The following C17orf107 variants were observed in gnomAD, a reference collection of about 807,000 sequenced individuals.
The protein encoded by C17orf107 is uncharacterized protein C17orf107.
C17orf107 carries 9 observed loss-of-function variants against 8.9 expected under a neutral mutation model. That is an observed-to-expected ratio of 1.02 (90% confidence interval 0.61 to 1.77). The LOEUF is 1.77. Ranked by LOEUF, C17orf107 falls within the 40% of genes most tolerant of loss-of-function variation. C17orf107 has a pLI of 0.00. For missense variants in C17orf107, 281 were observed against 249.0 expected, an observed-to-expected ratio of 1.13 and a Z score of -0.86; for synonymous variants, 139 against 120.3, an observed-to-expected ratio of 1.16 and a Z score of -1.02.
downstream of C17orf107, among the ~76,000 whole-genome samples, chr17:4,905,809 C>A (rs1022870758): frequency 1.3e-5 from 2 of 150,130 alleles, no homozygotes; most frequent in African/African-American, 4.9e-5. Flanking sequence ...TGCAGTGAGC[C>A]GAGATCGTGC....
In C17orf107 at chr17:4,900,697, G is replaced by A; in HGVS notation, c.*164G>A. ...CAGCGTCCGAATAAAGCCCAGGGCG[G>A]GGCGAGACAGCCAGAGCTTTTCCCG... On this transcript the variant is annotated 3_prime_UTR_variant, in exon 3 of 3. Transcript: ENST00000381365. The A allele has an allele frequency of 6.8e-7, 1 of 1,468,634 alleles. No individual in the cohort carries two copies. Among genetic ancestry groups the A allele is most frequent in the Non-Finnish European group, 9.3e-7 (1 of 1,076,862 alleles). 91.0% of individuals were successfully genotyped at this position (1,468,634 alleles called of 1,614,324 possible). A position where few individuals can be genotyped will look rare whatever the true frequency, so the allele number is the denominator to read the frequency against.
At position 4,900,019 on chromosome 17, in the gene C17orf107, G is replaced by A; in HGVS notation, c.150G>A (p.Glu50=). 1.9e-6 allele frequency: 3 copies of A among 1,551,532 alleles called. No individual in the cohort carries two copies. The highest frequency in any genetic ancestry group is 2.6e-6 in the Non-Finnish European group (3 of 1,146,998). Residue 50 remains glutamate, a synonymous_variant, in exon 2 of 3, where the codon GAG becomes GAA. Coordinates refer to ENST00000381365, the MANE Select transcript of C17orf107 (RefSeq NM_001145536.2). The part of the protein sequence containing the change: ...AHEYLEQRFR[E]LKSLEPPEPK... ...AATATCTGGAGCAGAGGTTCAGAGA[G>A]CTGAAGTCCCTGGAGCCACCCGAAC... is the stretch of plus-strand genomic sequence containing the variant.
In C17orf107 at chr17:4,900,463, G is replaced by T. The variant is rs749801173; in HGVS notation, c.503G>T (p.Arg168Leu). 6.4e-7 allele frequency: 1 copy of T among 1,551,116 alleles called. No homozygotes were observed. The change falls in exon 3 of 3, where the codon CGA (arginine) becomes CTA (leucine). Residue 168 changes from arginine (R) to leucine (L), a missense_variant. Transcript: ENST00000381365. ...CTGCAGGGGTCTGCCTCATTCCTGC[G>T]ACAGTCGCAACAGCAGCTAGGCCTC... The part of the protein sequence containing the change: ...RGLQGSASFL[R>L]QSQQQLGLGI...
downstream of C17orf107, chr17:4,903,135 G>A: frequency 6.8e-7 from 1 of 1,461,128 alleles, no homozygotes; most frequent in South Asian, 1.2e-5. Context: ...GTGCCTGTGT[G>A]AGGGGGAGGA....
In C17orf107 at chr17:4,899,588, G is replaced by C. The variant is rs141408756; in HGVS notation, c.-175G>C. The C allele has an allele frequency of 4.5e-4, 708 of 1,564,110 alleles. 2 individuals carry two copies. In the African/African-American group the frequency reaches 8.7e-3, roughly 19 times the overall value. On this transcript the variant is annotated 5_prime_UTR_variant, in exon 1 of 3. Transcript: ENST00000381365. ...CCATGACGAAAATAAGGAACCTGAG[G>C]AGCCCGGAAGGCATGACATCACCGT...
downstream of C17orf107, among the ~76,000 whole-genome samples, chr17:4,903,731 C>G (rs750764715): frequency 5.9e-5 from 9 of 152,186 alleles, no homozygotes; most frequent in Non-Finnish European, 1.3e-4. Flanking sequence ...TTCTCCTTGT[C>G]TATCCCTGCT....
At chr17:4,902,935 T>C, downstream of C17orf107, 1 of 1,597,208 alleles carries the variant, frequency 6.3e-7, no homozygotes, top group Non-Finnish European at 8.6e-7. This position sits in a 1 kb window ranked among gnomAD's most constrained non-coding sequence, Gnocchi z 4.0. Flanking sequence ...TAAGTCTCCA[T>C]CTTGGTCTCT....
chr17:4,899,963 T>G lies in C17orf107; in HGVS notation c.94T>G (p.Ser32Ala), dbSNP rs757017826. 1 of 1,551,278 alleles carries G rather than the reference T, an allele frequency of 6.4e-7. No individual in the cohort carries two copies. Among genetic ancestry groups the G allele is most frequent in the Admixed American group, 2.0e-5 (1 of 50,978 alleles). Residue 32 changes from serine to alanine, a missense_variant, in exon 2 of 3, where the codon TCC becomes GCC. Physicochemically the swap from Ser to Ala is moderately conservative, Grantham distance 99. Transcript: ENST00000381365. ...EVALQPPLLS[S>A]LELSVAAAHE... ...GGCCCTCCAGCCCCCGCTTCTGTCT[T>G]CCCTGGAACTCTCCGTGGCCGCAGC...
In C17orf107 at chr17:4,901,882, AGG is replaced by A; in HGVS notation, c.*1350_*1351del. The A allele has an allele frequency of 6.7e-7, 1 of 1,484,020 alleles. No homozygotes were observed. 91.9% of individuals were successfully genotyped at this position (1,484,020 alleles called of 1,614,324 possible). ...GCTTCCCGGTTGGCCCCGCCCCATAAGGCCCCCCCCCAACAATAATCGTCCGG... is the reference window on the plus strand; with the variant it reads ...GCTTCCCGGTTGGCCCCGCCCCATAACCCCCCCCCAACAATAATCGTCCGG... On this transcript the variant is annotated 3_prime_UTR_variant, in exon 3 of 3. Coordinates refer to ENST00000381365, the MANE Select transcript of C17orf107 (RefSeq NM_001145536.2).
rs961848662 is a variant in C17orf107, at chr17:4,899,919, C to G, written c.67-17C>G. The G allele has an allele frequency of 1.3e-6, 2 of 1,549,658 alleles. No individual in the cohort carries two copies. Among genetic ancestry groups the G allele is most frequent in the African/African-American group, 2.7e-5 (2 of 73,018 alleles). ...TGACCCCTGCCCTGCTACTCTACTG[C>G]TCTGCTCCTTCTCCAGGTGGCCCTC... On this transcript the variant is annotated splice_polypyrimidine_tract_variant and intron_variant, in intron 1 of 2. Transcript: ENST00000381365.
Position 4,901,808 on chromosome 17 carries a change from G to A in C17orf107, c.*1275G>A. Reference sequence around the variant, plus strand: ...GCCGCGCTGGAGCGTCCCACCCAGTGCCTACGCCTGGCTCCGCCTCCAGCG... The same window carrying A: ...GCCGCGCTGGAGCGTCCCACCCAGTACCTACGCCTGGCTCCGCCTCCAGCG... On this transcript the variant is annotated 3_prime_UTR_variant, in exon 3 of 3. Coordinates refer to ENST00000381365, the MANE Select transcript of C17orf107 (RefSeq NM_001145536.2). 2 of 1,430,792 alleles carry A rather than the reference G, an allele frequency of 1.4e-6. No homozygotes were observed. Among genetic ancestry groups the A allele is most frequent in the Non-Finnish European group, 2.0e-6 (2 of 1,024,822 alleles). 88.6% of individuals were successfully genotyped at this position (1,430,792 alleles called of 1,614,324 possible).
chr17:4,900,738 G>A lies in C17orf107; in HGVS notation c.*205G>A. On this transcript the variant is annotated 3_prime_UTR_variant, in exon 3 of 3. Transcript: ENST00000381365. ...GCTTTTCCCGGGGTCTCTGGGTTTT[G>A]GCCACGCCCCCACCCTTCACACTGG... 1 of 1,550,944 alleles carries A rather than the reference G, an allele frequency of 6.4e-7. No individual in the cohort carries two copies. The highest frequency in any genetic ancestry group is 1.2e-5 in the South Asian group (1 of 86,928).
chr17:4,900,831 T>G lies in C17orf107; in HGVS notation c.*298T>G. On this transcript the variant is annotated 3_prime_UTR_variant, in exon 3 of 3. Transcript: ENST00000381365. ...GCACGCTCAGAGAAGTCTCTGGGAT[T>G]TTCTGGGCAATGAGGAACAAGAAGA... 2 of 1,614,118 alleles carry G rather than the reference T, an allele frequency of 1.2e-6. No homozygotes were observed. The highest frequency in any genetic ancestry group is 1.7e-6 in the Non-Finnish European group (2 of 1,179,992).
rs1969984352 is a variant in C17orf107 at position 4,901,539 on chromosome 17, G to A, written c.*1006G>A. 1.9e-6 allele frequency: 3 copies of A among 1,614,150 alleles called. No homozygotes were observed. The highest frequency in any genetic ancestry group is 2.5e-6 in the Non-Finnish European group (3 of 1,179,994). On this transcript the variant is annotated 3_prime_UTR_variant, in exon 3 of 3. Transcript: ENST00000381365. ...AGGGGCTTCACCAGTATAGGCCTCTGTGTCGATGTCGATCTTGTTGATGGT... is the reference window on the plus strand; with the variant it reads ...AGGGGCTTCACCAGTATAGGCCTCTATGTCGATGTCGATCTTGTTGATGGT...
In C17orf107 at chr17:4,900,279, G is replaced by A. The variant is rs1441678257; in HGVS notation, c.319G>A (p.Gly107Ser). The A allele has an allele frequency of 7.8e-6, 12 of 1,545,336 alleles. No individual in the cohort carries two copies. The highest frequency in any genetic ancestry group is 2.7e-5 in the African/African-American group (2 of 73,062). The stretch of plus-strand genomic sequence containing the variant: ...GCAGCAGGAGGCGCGGCGACTAGAC[G>A]GCAGCGCGGGCCCAGCCCCAGACGG... ...WLQQEARRLD[G>S]SAGPAPDGRD... The change falls in exon 3 of 3, where the codon GGC becomes AGC. Residue 107 changes from glycine (G) to serine (S), a missense_variant. Physicochemically the swap from Gly to Ser is moderately conservative, Grantham distance 56 (BLOSUM62 0). Transcript: ENST00000381365.
rs766195083 is a variant in C17orf107, at chr17:4,901,583, G to C, written c.*1050G>C. The C allele has an allele frequency of 9.8e-5, 158 of 1,614,018 alleles. No individual in the cohort carries two copies. Among genetic ancestry groups the C allele is most frequent in the Non-Finnish European group, 1.3e-4 (154 of 1,180,014 alleles). The stretch of plus-strand genomic sequence containing the variant: ...TGATGGTCTTGCCGTCGTTGTCTAC[G>C]GCAAAAGTGAACTCCACCTCTTCGG... On this transcript the variant is annotated 3_prime_UTR_variant, in exon 3 of 3. Transcript: ENST00000381365.
At position 4,901,259 on chromosome 17, in the gene C17orf107, G is replaced by C; in HGVS notation, c.*726G>C. ...CCCGCCGAGCTGACAGCGGGCTGAA[G>C]AGGAGGCTGCGGCTGTCTGCACCAG... On this transcript the variant is annotated 3_prime_UTR_variant, in exon 3 of 3. Transcript: ENST00000381365. 6.5e-7 allele frequency: 1 copy of C among 1,547,734 alleles called. No homozygotes were observed. The highest frequency in any genetic ancestry group is 1.1e-5 in the South Asian group (1 of 87,956).
chr17:4,902,022 G>C lies in C17orf107; in HGVS notation c.*1489G>C, dbSNP rs146089157. 1.2e-6 allele frequency: 2 copies of C among 1,614,110 alleles called. No individual in the cohort carries two copies. Among genetic ancestry groups the C allele is most frequent in the African/African-American group, 1.3e-5 (1 of 75,076 alleles). On this transcript the variant is annotated 3_prime_UTR_variant, in exon 3 of 3. Coordinates refer to ENST00000381365, the MANE Select transcript of C17orf107 (RefSeq NM_001145536.2). This position sits in a 1 kb window ranked among gnomAD's most constrained non-coding sequence, Gnocchi z 4.0. ...GCGGTAGATGGCCGGAGGCAGCCACGTCACGGAGCCGCCCTCGTAGACGAG... is the reference window on the plus strand; with the variant it reads ...GCGGTAGATGGCCGGAGGCAGCCACCTCACGGAGCCGCCCTCGTAGACGAG...
At chr17:4,906,301 C>A (rs535107395), downstream of C17orf107, among the ~76,000 whole-genome samples, 16 of 152,280 alleles carry the variant, frequency 1.1e-4, no homozygotes, top group African/African-American at 3.8e-4. Context: ...CACCCTCTAG[C>A]AACCCAGCCC....
Sources: allele counts gnomAD v4.1 joint callset (sites outside exome capture counted in the v4.1 genomes callset), GRCh38; gene constraint gnomAD v4.1.1; non-coding constraint Gnocchi (gnomAD v3.1); transcripts MANE v1.5; gene names NCBI Gene and HGNC (gene_info 2026-07-23, HGNC 2026-07-21).